The following KCNIP1 variants were observed in gnomAD, a reference collection of about 807,000 sequenced individuals.
KCNIP1 encodes the protein A-type potassium channel modulatory protein KCNIP1.
Under a neutral mutation model 33.0 loss-of-function variants are expected in KCNIP1, and 18 were observed. That is an observed-to-expected ratio of 0.55 (90% CI 0.38 to 0.81). KCNIP1 has a LOEUF of 0.81. Among genes scored for constraint, KCNIP1 ranks in the 30% least tolerant of loss-of-function variants. The probability of loss-of-function intolerance (pLI) is 0.00; values close to 1 mark genes in which losing one functional copy is unlikely to be tolerated. For missense variants in KCNIP1, 238 were observed against 271.6 expected (o/e 0.88, Z 0.87); for synonymous variants, 93 against 98.3 (o/e 0.95, Z 0.32).
Position 170,720,344 on chromosome 5 carries a change from C to T in KCNIP1, c.210C>T (p.Asn70=), listed in dbSNP as rs563295751. 2.0e-5 allele frequency: 33 copies of T among 1,614,056 alleles called. No individual in the cohort carries two copies. Among genetic ancestry groups the T allele is most frequent in the South Asian group, 1.5e-4 (14 of 91,074 alleles). The change falls in exon 3 of 8, where the codon AAC becomes AAT. Residue 70 remains asparagine (N), a synonymous_variant. Coordinates refer to ENST00000328939, the MANE Select transcript of KCNIP1 (RefSeq NM_014592.4). ...AGGAGTGCCCCAGTGGTGTGGTCAACGAAGACACATTCAAGCAGATCTATG... is the reference window on the plus strand; with the variant it reads ...AGGAGTGCCCCAGTGGTGTGGTCAATGAAGACACATTCAAGCAGATCTATG... ...FKNECPSGVV[N]EDTFKQIYAQ...
At chr5:170,645,518 T>C (rs187665335) in intron 1 of KCNIP1, among the ~76,000 whole-genome samples, 99 of 152,296 alleles carry the variant, frequency 6.5e-4, no homozygotes, top group African/African-American at 2.4e-3. Flanking sequence ...AGTCAACTGT[T>C]ACACTTGGAG....
At chr5:170,697,017 GTC>G (rs1260120527) in intron 1 of KCNIP1, among the ~76,000 whole-genome samples, 2 of 151,780 alleles carry the variant, frequency 1.3e-5, no homozygotes, top group African/African-American at 4.8e-5. Flanking sequence ...ATCTGCCTCT[GTC>G]TCTCTTTCTC....
At chr5:170,512,815 C>G (rs577101027) in intron 1 of KCNIP1, among the ~76,000 whole-genome samples, 2 of 151,988 alleles carry the variant, frequency 1.3e-5, no homozygotes, top group East Asian at 3.9e-4. Context: ...TTTGGGAGGC[C>G]GAGGCTGGCG....
chr5:170,520,850 C>G (rs1324655416), intron 1 of KCNIP1, among the ~76,000 whole-genome samples: 1 of 152,174 alleles, frequency 6.6e-6, no homozygotes, highest in Non-Finnish European at 1.5e-5. Context: ...GACTCAGAAG[C>G]CGGGCAGTGC....
At chr5:170,723,816 T>C (rs1763914452) in intron 5 of KCNIP1, among the ~76,000 whole-genome samples, 1 of 152,178 alleles carries the variant, frequency 6.6e-6, no homozygotes, top group Non-Finnish European at 1.5e-5. Flanking sequence ...GGTGTCGTCA[T>C]ACTGGAACCA....
At chr5:170,587,381 C>T (rs1373977244) in intron 1 of KCNIP1, among the ~76,000 whole-genome samples, 1 of 132,526 alleles carries the variant, frequency 7.5e-6, no homozygotes, top group Non-Finnish European at 1.5e-5. Flanking sequence ...GAGATTGTGC[C>T]ATTGCACTCC....
chr5:170,596,643 G>A (rs569437324), intron 1 of KCNIP1, among the ~76,000 whole-genome samples: 4 of 152,336 alleles, frequency 2.6e-5, no homozygotes, highest in South Asian at 4.1e-4. Flanking sequence ...CCAGTGCCTC[G>A]GCCATCTGTG....
intron 1 of KCNIP1, among the ~76,000 whole-genome samples, chr5:170,607,683 C>T (rs1000292782): frequency 1.3e-5 from 2 of 152,164 alleles, no homozygotes; most frequent in Admixed American, 6.5e-5. Flanking sequence ...CAAGGAGGGC[C>T]CTTTGGTTTG....
At chr5:170,583,514 T>A (rs1275332689) in intron 1 of KCNIP1, among the ~76,000 whole-genome samples, 1 of 152,188 alleles carries the variant, frequency 6.6e-6, no homozygotes, top group Non-Finnish European at 1.5e-5. Context: ...TCACAGCATC[T>A]AAGTTCTCTC....
chr5:170,542,512 C>G (rs778951402), intron 1 of KCNIP1, among the ~76,000 whole-genome samples: 1 of 152,166 alleles, frequency 6.6e-6, no homozygotes, highest in Admixed American at 6.5e-5. Flanking sequence ...ATAGGACACA[C>G]ATACTATCTT....
At chr5:170,599,417 A>G (rs547144467) in intron 1 of KCNIP1, among the ~76,000 whole-genome samples, 34 of 152,274 alleles carry the variant, frequency 2.2e-4, no homozygotes, top group Non-Finnish European at 4.6e-4. Context: ...GTTTTCCCAC[A>G]TCTCAAATGA....
intron 1 of KCNIP1, among the ~76,000 whole-genome samples, chr5:170,427,766 A>T (rs1267022487): frequency 1.3e-5 from 2 of 152,094 alleles, no homozygotes; most frequent in Admixed American, 6.5e-5. Context: ...CTTCGCCTTC[A>T]TCTCAAAGGA....
intron 1 of KCNIP1, among the ~76,000 whole-genome samples, chr5:170,390,241 C>T (rs1561601110): frequency 6.6e-6 from 1 of 152,114 alleles, no homozygotes; most frequent in Non-Finnish European, 1.5e-5. Flanking sequence ...CACAGTGGCC[C>T]ACGCCCATAA....
intron 1 of KCNIP1, among the ~76,000 whole-genome samples, chr5:170,558,460 C>T (rs1047089173): frequency 7.9e-5 from 12 of 152,186 alleles, no homozygotes; most frequent in African/African-American, 2.2e-4. Context: ...TTCTTCCAGC[C>T]GCATCATTGA....
At chr5:170,696,543 G>C (rs1011551302) in intron 1 of KCNIP1, among the ~76,000 whole-genome samples, 6 of 152,156 alleles carry the variant, frequency 3.9e-5, no homozygotes, top group African/African-American at 1.4e-4. Flanking sequence ...GGTAGCCCTT[G>C]AAACGAGATT....
At chr5:170,567,670 A>T (rs990634395) in intron 1 of KCNIP1, among the ~76,000 whole-genome samples, 2 of 152,212 alleles carry the variant, frequency 1.3e-5, no homozygotes, top group Non-Finnish European at 2.9e-5. Flanking sequence ...CAGAAGTTGG[A>T]TGGAGAACAC....
At chr5:170,643,853 G>A (rs188522791) in intron 1 of KCNIP1, among the ~76,000 whole-genome samples, 135 of 152,370 alleles carry the variant, frequency 8.9e-4, no homozygotes, top group African/African-American at 3.2e-3. Flanking sequence ...GCCTTCACCT[G>A]TGTAACGAAT....
At chr5:170,580,156 A>G (rs1481469047) in intron 1 of KCNIP1, among the ~76,000 whole-genome samples, 5 of 151,928 alleles carry the variant, frequency 3.3e-5, no homozygotes, top group African/African-American at 1.2e-4. Context: ...ACCTCCACCC[A>G]CTGGTCCACG....
intron 1 of KCNIP1, among the ~76,000 whole-genome samples, chr5:170,655,980 G>A (rs1240216475): frequency 1.3e-5 from 2 of 152,108 alleles, no homozygotes; most frequent in African/African-American, 4.8e-5. Context: ...TGAGGTTGAG[G>A]TGGGGGAGAG....
Sources: gnomAD v4.1 joint callset for allele counts (sites outside exome capture counted in the v4.1 genomes callset) on GRCh38, gnomAD v4.1.1 for gene constraint, MANE v1.5 for transcripts, NCBI Gene and HGNC (gene_info 2026-07-23, HGNC 2026-07-21) for gene names.